Variants in USP46 observed in about 807,000 individuals in gnomAD.
USP46 encodes ubiquitin carboxyl-terminal hydrolase 46.
In USP46, 12 loss-of-function variants were observed where a neutral mutation model predicts 44.4. That is an observed-to-expected ratio of 0.27 (90% confidence interval 0.17 to 0.44). USP46 has a LOEUF of 0.44. Among genes scored for constraint, USP46 ranks in the 20% least tolerant of loss-of-function variants. The pLI, the probability that USP46 is intolerant of heterozygous loss-of-function variation, is 1.00. For synonymous variants in USP46, 155 were observed against 161.5 expected (o/e 0.96, Z 0.31); for missense variants, 248 against 444.8 (o/e 0.56, Z 3.98).
rs980436372 is a variant in USP46 at position 52,602,121 on chromosome 4, A to T, written c.723-67T>A. The T allele has an allele frequency of 1.7e-5, 25 of 1,511,728 alleles. No individual in the cohort carries two copies. The East Asian group carries it at 5.0e-4, about 30-fold the overall frequency. 93.6% of individuals were successfully genotyped at this position (1,511,728 alleles called of 1,614,324 possible). The stretch of plus-strand genomic sequence containing the variant: ...TATTAGGGGAAGAGAATACACTGTC[A>T]TCTGCACAAACAGAATAGTAGGAGG... On this transcript the variant is annotated intron_variant, in intron 6 of 8. Coordinates refer to ENST00000441222, the MANE Select transcript of USP46 (RefSeq NM_022832.4).
intron 5 of USP46, among the ~76,000 whole-genome samples, chr4:52,607,210 T>A (rs1267182172): frequency 6.6e-6 from 1 of 152,206 alleles, no homozygotes; most frequent in Non-Finnish European, 1.5e-5. Context: ...TAAAGACCCA[T>A]TTTACAAAGA....
chr4:52,655,686 G>A (rs886594334), intron 1 of USP46, among the ~76,000 whole-genome samples: 1 of 152,162 alleles, frequency 6.6e-6, no homozygotes, highest in African/African-American at 2.4e-5. Flanking sequence ...AGCAGCTAGT[G>A]CATTATGAAA....
At position 52,598,451 on chromosome 4, in the gene USP46, C is replaced by T. The variant is rs549382922; in HGVS notation, c.999+177G>A. 30 of 627,102 alleles carry T rather than the reference C, an allele frequency of 4.8e-5. No homozygotes were observed. In the Middle Eastern group the frequency reaches 1.3e-3, roughly 27 times the overall value. 38.8% of individuals were successfully genotyped at this position (627,102 alleles called of 1,614,324 possible). A position where few individuals can be genotyped will look rare whatever the true frequency, so the allele number is the denominator to read the frequency against. On this transcript the variant is annotated intron_variant, in intron 8 of 8. Transcript: ENST00000441222. ...CGTCAGTGAGTCCATGATCACACCC[C>T]TTCTCCCTTTCCATGGAGCATGGGG... is the stretch of plus-strand genomic sequence containing the variant.
chr4:52,658,072 A>G (rs1406971537), intron 1 of USP46: 1 of 374,850 alleles, frequency 2.7e-6, no homozygotes. Flanking sequence ...TCAAACTGGC[A>G]CTGTAAGAGC....
intron 1 of USP46, among the ~76,000 whole-genome samples, chr4:52,635,513 G>A (rs1211901202): frequency 6.6e-6 from 1 of 151,894 alleles, no homozygotes; most frequent in African/African-American, 2.4e-5. Flanking sequence ...TCAAAACCTC[G>A]CCATCCCCTT....
chr4:52,645,320 G>C (rs1419604686), intron 1 of USP46, among the ~76,000 whole-genome samples: 1 of 151,996 alleles, frequency 6.6e-6, no homozygotes, highest in African/African-American at 2.4e-5. Context: ...GCTGACCTGG[G>C]ATACTTGACT....
intron 1 of USP46, chr4:52,658,402 T>G: frequency 5.0e-6 from 2 of 399,922 alleles, no homozygotes; most frequent in South Asian, 3.6e-5. Context: ...CAGCCTCCCC[T>G]AGGTCTACAG....
At chr4:52,630,736 C>CAAAAAAAAAAAAAAAAAAAAAAAAAA (rs10566870) in intron 2 of USP46, among the ~76,000 whole-genome samples, 2 of 92,290 alleles carry the variant, frequency 2.2e-5, no homozygotes, top group Non-Finnish European at 4.5e-5. Context: ...GACTCTGTCT[C>CAAAAAAAAAAAAAAAAAAAAAAAAAA]AAAAAAAAAA....
chr4:52,603,819 G>A (rs1716572532), intron 6 of USP46, among the ~76,000 whole-genome samples: 1 of 152,048 alleles, frequency 6.6e-6, no homozygotes, highest in African/African-American at 2.4e-5. Context: ...CGAGTAGGTG[G>A]GATCATAGGC....
At chr4:52,600,312 G>C (rs1244930531) in intron 7 of USP46, among the ~76,000 whole-genome samples, 8 of 152,060 alleles carry the variant, frequency 5.3e-5, no homozygotes, top group African/African-American at 1.9e-4. Flanking sequence ...TGGGCCAGGA[G>C]GTCCTGGCAT....
At chr4:52,625,980 G>T in intron 4 of USP46, 38 bp downstream of exon 4, 1 of 1,568,386 alleles carries the variant, frequency 6.4e-7, no homozygotes, top group South Asian at 1.1e-5. Flanking sequence ...ACATAAATAT[G>T]AACATGCGAG....
intron 1 of USP46, among the ~76,000 whole-genome samples, chr4:52,655,690 T>C (rs1474301404): frequency 2.6e-5 from 4 of 152,220 alleles, no homozygotes; most frequent in African/African-American, 9.6e-5. Context: ...GCTAGTGCAT[T>C]ATGAAAATTA....
chr4:52,600,894 A>C (rs1043285608), intron 7 of USP46, among the ~76,000 whole-genome samples: 1 of 152,194 alleles, frequency 6.6e-6, no homozygotes, highest in African/African-American at 2.4e-5. Context: ...CTAGCCAATA[A>C]ATATCATTTT....
chr4:52,594,732 T>C lies in USP46; in HGVS notation c.*2908A>G, dbSNP rs909748041. 6.6e-6 allele frequency: 1 copy of C among 152,142 alleles called. No homozygotes were observed. The highest frequency in any genetic ancestry group is 2.4e-5 in the African/African-American group (1 of 41,430). The allele number at this position is 152,142 out of a possible 1,614,324, so 9.4% of individuals were successfully genotyped here. ...ATGAAATTAAGGGTATCCATGAAAA[T>C]AAATGCATAGGGATCATTTCTGACA... On this transcript the variant is annotated 3_prime_UTR_variant, in exon 9 of 9. Transcript: ENST00000441222.
intron 5 of USP46, among the ~76,000 whole-genome samples, chr4:52,607,899 G>A (rs1716756462): frequency 6.6e-6 from 1 of 152,170 alleles, no homozygotes; most frequent in Non-Finnish European, 1.5e-5. Flanking sequence ...GCAGAACAAT[G>A]AGCCAATTAA....
At chr4:52,635,121 T>C (rs1185778668) in intron 1 of USP46, among the ~76,000 whole-genome samples, 2 of 148,384 alleles carry the variant, frequency 1.3e-5, no homozygotes, top group Non-Finnish European at 3.0e-5. Context: ...CTCCAGGCAA[T>C]GTTACCACTG....
chr4:52,635,326 A>G (rs73135514), intron 1 of USP46, among the ~76,000 whole-genome samples: 181 of 152,248 alleles, frequency 1.2e-3, no homozygotes, highest in African/African-American at 4.2e-3. Flanking sequence ...CTCTCTGAAC[A>G]TACACCCAGA....
In USP46 at chr4:52,634,509, C is replaced by CAAAAA. The variant is rs1167932000; in HGVS notation, c.37-3370_37-3366dup. 3.5e-3 allele frequency among the ~76,000 whole-genome samples: 237 copies of CAAAAA among 66,986 alleles called. 2 individuals are homozygous for CAAAAA. Among genetic ancestry groups the CAAAAA allele is most frequent in the African/African-American group, 0.012 (224 of 18,716 alleles). 43.9% of individuals were successfully genotyped at this position (66,986 alleles called of 152,430 possible). ...GGGCGACAAGAGCGAGACTTTGTCT[C>CAAAAA]AAAAAAAAAAAAAAAAAAAATTCTC... On this transcript the variant is annotated intron_variant, in intron 1 of 8. Coordinates refer to ENST00000441222, the MANE Select transcript of USP46 (RefSeq NM_022832.4).
chr4:52,651,042 G>A (rs1718744204), intron 1 of USP46: 1 of 141,678 alleles, frequency 7.1e-6, no homozygotes, highest in South Asian at 2.2e-4. Flanking sequence ...GCAGTGAGCT[G>A]AGATCATGCC....
Sources: allele counts gnomAD v4.1 joint callset (sites outside exome capture counted in the v4.1 genomes callset), GRCh38; gene constraint gnomAD v4.1.1; transcripts MANE v1.5; gene names NCBI Gene and HGNC (gene_info 2026-07-23, HGNC 2026-07-21).